Variants in MYO1E observed in about 807,000 individuals in gnomAD.
The protein encoded by MYO1E is myosin IE.
MYO1E carries 68 observed loss-of-function variants against 151.1 expected under a neutral mutation model. That is an observed-to-expected ratio of 0.45 (90% CI 0.37 to 0.55). The LOEUF is 0.55. MYO1E is among the 20% of genes least tolerant of loss of function. MYO1E has a pLI of 0.00. For synonymous variants in MYO1E, 601 were observed against 501.7 expected, an observed-to-expected ratio of 1.20 and a Z score of -2.64; for missense variants, 1,363 against 1,389.3, an observed-to-expected ratio of 0.98 and a Z score of 0.30.
chr15:59,209,815 CTTTTTTTTTTTTTTT>C (rs71119441), intron 13 of MYO1E, among the ~76,000 whole-genome samples: 4 of 49,870 alleles, frequency 8.0e-5, no homozygotes, highest in Non-Finnish European at 1.4e-4. Context: ...TTTGAATCAC[CTTTTTTTTTTTTTTT>C]TTTTTTTTTT....
chr15:59,195,088 AGGCCACATCCTGTG>A (rs1229259973), intron 17 of MYO1E, among the ~76,000 whole-genome samples: 2 of 152,198 alleles, frequency 1.3e-5, no homozygotes, highest in African/African-American at 4.8e-5. Flanking sequence ...TAAGCATTCT[AGGCCACATCCTGTG>A]GGTCCCGATC....
At chr15:59,233,770 T>C (rs1178898912) in intron 5 of MYO1E, among the ~76,000 whole-genome samples, 1 of 150,148 alleles carries the variant, frequency 6.7e-6, no homozygotes, top group African/African-American at 2.4e-5. Context: ...GAAAAGCAAG[T>C]GGACTGAACC....
chr15:59,289,222 C>G (rs1226551240), intron 1 of MYO1E, among the ~76,000 whole-genome samples: 1 of 152,148 alleles, frequency 6.6e-6, no homozygotes, highest in Non-Finnish European at 1.5e-5. Flanking sequence ...CAAATCTGTA[C>G]CAAAAGTTTT....
chr15:59,301,425 G>A (rs927342979), intron 1 of MYO1E, among the ~76,000 whole-genome samples: 1 of 152,184 alleles, frequency 6.6e-6, no homozygotes, highest in African/African-American at 2.4e-5. Flanking sequence ...GCTGGGAGCA[G>A]GAACATCTCT....
intron 22 of MYO1E, among the ~76,000 whole-genome samples, chr15:59,167,233 G>T (rs2079567856): frequency 6.6e-6 from 1 of 152,108 alleles, no homozygotes; most frequent in African/African-American, 2.4e-5. Flanking sequence ...CCGTCTTACG[G>T]GTTGTTTTTC....
chr15:59,157,085 G>T (rs565467931), intron 25 of MYO1E, among the ~76,000 whole-genome samples: 133 of 152,004 alleles, frequency 8.7e-4, no homozygotes, highest in Admixed American at 2.6e-3. Context: ...AAAGAGCCAG[G>T]TGTGGTGGTG....
intron 1 of MYO1E, among the ~76,000 whole-genome samples, chr15:59,285,357 T>TG (rs1251550926): frequency 7.3e-6 from 1 of 137,566 alleles, no homozygotes; most frequent in Non-Finnish European, 1.6e-5. Context: ...TCTCTTTTTT[T>TG]TTTTTTTTTT....
intron 1 of MYO1E, among the ~76,000 whole-genome samples, chr15:59,300,697 C>T (rs2080476871): frequency 6.6e-6 from 1 of 152,056 alleles, no homozygotes; most frequent in Non-Finnish European, 1.5e-5. Flanking sequence ...AAAGAAATTC[C>T]CAAACTGCCC....
chr15:59,197,812 T>G (rs1175371115), intron 16 of MYO1E, among the ~76,000 whole-genome samples: 1 of 152,244 alleles, frequency 6.6e-6, no homozygotes, highest in African/African-American at 2.4e-5. Flanking sequence ...GAAATACATC[T>G]TAACCATCAA....
At chr15:59,152,560 A>G (rs1386873186) in intron 26 of MYO1E, among the ~76,000 whole-genome samples, 1 of 152,030 alleles carries the variant, frequency 6.6e-6, no homozygotes, top group East Asian at 1.9e-4. Context: ...TATGATCATC[A>G]CCCTGTCACC....
rs80093593 is a variant in MYO1E at position 59,215,231 on chromosome 15, T to C, written c.1108-511A>G. Among the ~76,000 whole-genome samples the C allele has an allele frequency of 7.4e-3, 1,125 of 152,318 alleles. 12 individuals carry two copies. The highest frequency in any genetic ancestry group is 0.021 in the African/African-American group (892 of 41,554). ...TATCTGCAGATAGTAACAATAGTCATTATTTTTGAATTGATAATAGAAGCA... is the reference window on the plus strand; with the variant it reads ...TATCTGCAGATAGTAACAATAGTCACTATTTTTGAATTGATAATAGAAGCA... On this transcript the variant is annotated intron_variant, in intron 10 of 27. Transcript: ENST00000288235.
intron 1 of MYO1E, among the ~76,000 whole-genome samples, chr15:59,274,863 C>T (rs1408203576): frequency 1.3e-5 from 2 of 152,128 alleles, no homozygotes; most frequent in African/African-American, 2.4e-5. Context: ...TCTCATAGTT[C>T]CAAGTATCAC....
intron 2 of MYO1E, among the ~76,000 whole-genome samples, chr15:59,262,608 G>A (rs200301081): frequency 7.9e-5 from 12 of 152,130 alleles, no homozygotes; most frequent in Non-Finnish European, 1.5e-4. Flanking sequence ...CCAAGATCAC[G>A]TCACCGCATT....
At chr15:59,258,697 A>C (rs1302057652) in intron 3 of MYO1E, among the ~76,000 whole-genome samples, 3 of 152,130 alleles carry the variant, frequency 2.0e-5, no homozygotes, top group Non-Finnish European at 4.4e-5. Flanking sequence ...ACAAAAAAGA[A>C]ACAAAATTAG....
intron 1 of MYO1E, among the ~76,000 whole-genome samples, chr15:59,349,336 A>G (rs2140433789): frequency 6.6e-6 from 1 of 152,278 alleles, no homozygotes; most frequent in African/African-American, 2.4e-5. Context: ...GGATATAATT[A>G]TGTCTTTAGC....
intron 1 of MYO1E, among the ~76,000 whole-genome samples, chr15:59,309,036 C>T (rs2080533555): frequency 6.6e-6 from 1 of 151,920 alleles, no homozygotes; most frequent in Non-Finnish European, 1.5e-5. Context: ...TAGCTTGAGC[C>T]TGGGAGTTCG....
intron 9 of MYO1E, among the ~76,000 whole-genome samples, chr15:59,220,528 A>G (rs1377086419): frequency 1.3e-5 from 2 of 152,216 alleles, no homozygotes; most frequent in East Asian, 3.8e-4. Context: ...GCCAGTTCTG[A>G]TGAAAATCTT....
chr15:59,142,056 G>A lies in MYO1E; in HGVS notation c.3081-3689C>T, dbSNP rs568434925. 3.3e-5 allele frequency among the ~76,000 whole-genome samples: 5 copies of A among 151,826 alleles called. No individual in the cohort carries two copies. In the South Asian group the frequency reaches 6.2e-4, roughly 19 times the overall value. ...AGGGAGGCGGAGCTTGCAGTGAGCC[G>A]AGAGCGTGCCACTGCACTCCAGCCT... is the stretch of plus-strand genomic sequence containing the variant. On this transcript the variant is annotated intron_variant, in intron 26 of 27. Coordinates refer to ENST00000288235, the MANE Select transcript of MYO1E (RefSeq NM_004998.4).
intron 1 of MYO1E, among the ~76,000 whole-genome samples, chr15:59,329,130 T>C (rs951041491): frequency 9.2e-5 from 14 of 152,240 alleles, no homozygotes; most frequent in African/African-American, 3.1e-4. Context: ...GAATGCTTAC[T>C]GTTAATTTAA....
Sources: allele counts gnomAD v4.1 joint callset (sites outside exome capture counted in the v4.1 genomes callset), GRCh38; gene constraint gnomAD v4.1.1; transcripts MANE v1.5; gene names NCBI Gene and HGNC (gene_info 2026-07-23, HGNC 2026-07-21).